The following LETM1 variants were observed in gnomAD, a reference collection of about 807,000 sequenced individuals.
The protein encoded by LETM1 is leucine zipper and EF-hand containing transmembrane protein 1, also known as mitochondrial proton/calcium exchanger protein.
In LETM1, 50 loss-of-function variants were observed where a neutral mutation model predicts 74.5. That is an observed-to-expected ratio of 0.67 (90% CI 0.53 to 0.85). The LOEUF (loss-of-function observed/expected upper bound fraction) is 0.85, where lower values mean the gene tolerates loss of function less well. LETM1 is among the 40% of genes least tolerant of loss of function. The pLI is 0.00. For missense variants in LETM1, 824 were observed against 967.8 expected (o/e 0.85, Z 1.97); for synonymous variants, 446 against 407.1 (o/e 1.10, Z -1.15).
chr4:1,825,450 A>C (rs1279481224), intron 7 of LETM1, 114 bp downstream of exon 7: 8 of 1,317,252 alleles, frequency 6.1e-6, no homozygotes, highest in Non-Finnish European at 8.4e-6. Flanking sequence ...GAGAGGTCAC[A>C]GTGTCGCCTC....
intron 2 of LETM1, among the ~76,000 whole-genome samples, chr4:1,846,302 C>T (rs559198111): frequency 5.9e-5 from 9 of 152,218 alleles, no homozygotes; most frequent in African/African-American, 2.2e-4. Flanking sequence ...TGTTGTTAGC[C>T]CAGGCTGGAG....
At chr4:1,840,527 C>A (rs892873735) in intron 3 of LETM1, among the ~76,000 whole-genome samples, 2 of 150,094 alleles carry the variant, frequency 1.3e-5, no homozygotes, top group Non-Finnish European at 3.0e-5. Flanking sequence ...ATTAGCCGGG[C>A]GTGGTGGCGG....
chr4:1,825,482 G>A (rs1711950935), intron 7 of LETM1, 82 bp downstream of exon 7: 3 of 1,526,352 alleles, frequency 2.0e-6, no homozygotes, highest in South Asian at 2.4e-5. Context: ...CCAGAGTTTG[G>A]GAAGAGCCTC....
chr4:1,814,259 C>G lies in LETM1; in HGVS notation c.*165G>C. 2.7e-6 allele frequency: 3 copies of G among 1,124,022 alleles called. No homozygotes were observed. Among genetic ancestry groups the G allele is most frequent in the Non-Finnish European group, 3.8e-6 (3 of 782,394 alleles). The allele number at this position is 1,124,022 out of a possible 1,614,324, so 69.6% of individuals were successfully genotyped here. ...TTCCGGGATTCCAGACAGACTGAAT[C>G]TCCGTGGAATGATGAAAATTAAAAT... On this transcript the variant is annotated 3_prime_UTR_variant, in exon 14 of 14. Coordinates refer to ENST00000302787, the MANE Select transcript of LETM1 (RefSeq NM_012318.3).
rs1460690338 is a variant in LETM1, at chr4:1,822,983, C to T, written c.1476+5G>A. ...CACGCGGCACGGAGCAGGACCACCG[C>T]TTACCGCCACCTCCGAGCGCTTCTG... On this transcript the variant is annotated splice_donor_5th_base_variant and intron_variant, in intron 9 of 13. Transcript: ENST00000302787. The T allele has an allele frequency of 6.4e-7, 1 of 1,557,994 alleles. No individual in the cohort carries two copies. Among genetic ancestry groups the T allele is most frequent in the Non-Finnish European group, 8.7e-7 (1 of 1,148,132 alleles).
At chr4:1,835,870 G>T (rs1218500172) in intron 4 of LETM1, among the ~76,000 whole-genome samples, 1 of 152,102 alleles carries the variant, frequency 6.6e-6, no homozygotes, top group African/African-American at 2.4e-5. Context: ...TTGTGCCCAG[G>T]AGTTTGAGAC....
At chr4:1,822,334 GC>G in intron 9 of LETM1, 22 bp from the exon 10 acceptor site, 1 of 1,455,144 alleles carries the variant, frequency 6.9e-7, no homozygotes, top group Non-Finnish European at 9.2e-7. Context: ...GGCGACACCA[GC>G]CCAGCGCCCG....
Position 1,823,105 on chromosome 4 carries a change from G to T in LETM1, c.1359C>A (p.Ala453=). The T allele has an allele frequency of 6.2e-7, 1 of 1,604,796 alleles. No homozygotes were observed. Among genetic ancestry groups the T allele is most frequent in the Non-Finnish European group, 8.5e-7 (1 of 1,174,864 alleles). The change falls in exon 9 of 14, where the codon GCC becomes GCA. Residue 453 remains alanine (A), a synonymous_variant. Transcript: ENST00000302787. ...IVAKEAQVKV[A]EVEGEQVDNK... ...TGTCCACCTGCTCGCCCTCCACCTC[G>T]GCCACTTTCACCTGTGCTTCCTTTG...
chr4:1,847,773 G>A (rs1421535507), intron 2 of LETM1, among the ~76,000 whole-genome samples: 4 of 140,490 alleles, frequency 2.8e-5, no homozygotes, highest in Admixed American at 7.5e-5. Context: ...GCAGTGAGCC[G>A]AGATTGCACC....
Position 1,855,900 on chromosome 4 carries a change from G to A in LETM1, c.51C>T (p.Leu17=), listed in dbSNP as rs1185311864. The change falls in exon 1 of 14, where the codon CTC becomes CTT. Residue 17 remains leucine (L), a synonymous_variant. Coordinates refer to ENST00000302787, the MANE Select transcript of LETM1 (RefSeq NM_012318.3). The part of the protein sequence containing the change: ...RSCRGRAPAR[L]PPPPRYTVPR... ...GGACGGTGTACCGAGGCGGCGGCGG[G>A]AGGCGGGCGGGCGCCCGGCCGCGGC... is the stretch of plus-strand genomic sequence containing the variant. The A allele has an allele frequency of 5.2e-5, 64 of 1,240,266 alleles. No individual in the cohort carries two copies. The Admixed American group carries it at 2.6e-3, about 51-fold the overall frequency. The allele number at this position is 1,240,266 out of a possible 1,614,324, so 76.8% of individuals were successfully genotyped here. A position where few individuals can be genotyped will look rare whatever the true frequency, so the allele number is the denominator to read the frequency against.
Position 1,841,365 on chromosome 4 carries a change from G to C in LETM1, c.576C>G (p.Thr192=), listed in dbSNP as rs777481070. 4.3e-6 allele frequency: 7 copies of C among 1,612,880 alleles called. No homozygotes were observed. The East Asian group carries it at 1.6e-4, about 36-fold the overall frequency. The part of the protein sequence containing the change: ...LWRILNGHSL[T]RRERRQFLRI... ...CCATTACCTGCCTGCGCTCCCGGCG[G>C]GTCAGGCTGTGGCCGTTGAGGATGC... Residue 192 remains threonine (T), a synonymous_variant, in exon 3 of 14, where the codon ACC becomes ACG. Coordinates refer to ENST00000302787, the MANE Select transcript of LETM1 (RefSeq NM_012318.3).
At chr4:1,855,794 C>T (rs990316937) in intron 1 of LETM1, 75 bp downstream of exon 1, 3 of 934,850 alleles carry the variant, frequency 3.2e-6, no homozygotes, top group African/African-American at 3.5e-5. Flanking sequence ...GACAACCAGC[C>T]CGAACCCGCG....
rs367912514 is a variant in LETM1 at position 1,841,754 on chromosome 4, T to C, written c.187A>G (p.Thr63Ala). ...CCGAGGTGATCGCCTCTGGAGGATG[T>C]GTACACAGGGTGGATGGGAGTGCAG... ...GCCTPIHPVYTSSRGDHLGCW... is the reference protein window; with the variant it reads ...GCCTPIHPVYASSRGDHLGCW... The change falls in exon 3 of 14, where the codon ACA becomes GCA. Residue 63 changes from threonine (T) to alanine (A), a missense_variant. Physicochemically the swap from Thr to Ala is moderately conservative, Grantham distance 58 (BLOSUM62 0). Around this residue, in one of 4 missense-constraint regions of LETM1, gnomAD observed 222 missense variants for 195.6 expected, o/e 1.14. Coordinates refer to ENST00000302787, the MANE Select transcript of LETM1 (RefSeq NM_012318.3). The C allele has an allele frequency of 6.2e-7, 1 of 1,613,820 alleles. No homozygotes were observed. Among genetic ancestry groups the C allele is most frequent in the African/African-American group, 1.3e-5 (1 of 74,918 alleles).
At chr4:1,827,931 A>C (rs1577315676) in intron 6 of LETM1, among the ~76,000 whole-genome samples, 1 of 102,972 alleles carries the variant, frequency 9.7e-6, no homozygotes, top group Non-Finnish European at 1.9e-5. Context: ...TGACCCCCCA[A>C]CCTCCCTCCC....
At chr4:1,822,920 G>A (rs551350014) in intron 9 of LETM1, 68 bp downstream of exon 9, 48 of 1,284,192 alleles carry the variant, frequency 3.7e-5, no homozygotes, top group South Asian at 1.1e-4. Flanking sequence ...GACTGTGGGC[G>A]TGCGGGGGTT....
At chr4:1,822,421 C>T in intron 9 of LETM1, 109 bp from the exon 10 acceptor site, 1 of 1,231,136 alleles carries the variant, frequency 8.1e-7, no homozygotes, top group Non-Finnish European at 1.0e-6. Flanking sequence ...AGCAGGCCTG[C>T]AGGTGACATT....
At position 1,849,212 on chromosome 4, in the gene LETM1, G is replaced by C; in HGVS notation, c.83-3C>G. The C allele has an allele frequency of 6.2e-7, 1 of 1,606,674 alleles. No individual in the cohort carries two copies. Among genetic ancestry groups the C allele is most frequent in the Non-Finnish European group, 8.5e-7 (1 of 1,173,380 alleles). On this transcript the variant is annotated splice_polypyrimidine_tract_variant and splice_region_variant and intron_variant, in intron 1 of 13. Coordinates refer to ENST00000302787, the MANE Select transcript of LETM1 (RefSeq NM_012318.3). ...ATGAGCAGGATCCCCTGGACTACCT[G>C]TAACAGGAACAGGGGAAAATAAATG...
Position 1,855,967 on chromosome 4 carries a change from G to A in LETM1, c.-17C>T, listed in dbSNP as rs899307689. On this transcript the variant is annotated 5_prime_UTR_variant, in exon 1 of 14. Transcript: ENST00000302787. ...GGACGCCATGTGCTCGGGCGCGGCG[G>A]CCGCTCCGGCCTCCTGCGCTGCCTC... 66 of 1,206,264 alleles carry A rather than the reference G, an allele frequency of 5.5e-5. No homozygotes were observed. Among genetic ancestry groups the A allele is most frequent in the Non-Finnish European group, 6.6e-5 (64 of 971,340 alleles). 74.7% of individuals were successfully genotyped at this position (1,206,264 alleles called of 1,614,324 possible). A position where few individuals can be genotyped will look rare whatever the true frequency, so the allele number is the denominator to read the frequency against.
intron 13 of LETM1, among the ~76,000 whole-genome samples, chr4:1,815,404 G>T (rs1351360567): frequency 2.0e-5 from 3 of 152,212 alleles, no homozygotes; most frequent in African/African-American, 7.2e-5. Context: ...CACCAGCTGG[G>T]GGCGGGGTCC....
Sources: gnomAD v4.1 joint callset for allele counts (sites outside exome capture counted in the v4.1 genomes callset) on GRCh38, gnomAD v4.1.1 for gene constraint, gnomAD v4.1.1 regional missense constraint, MANE v1.5 for transcripts, NCBI Gene and HGNC (gene_info 2026-07-23, HGNC 2026-07-21) for gene names.